Variants in TPTE observed in about 807,000 individuals in gnomAD.
TPTE encodes transmembrane phosphatase with tensin homology.
A neutral mutation model predicts 84.1 loss-of-function variants in TPTE; 59 were observed. The observed-to-expected ratio is 0.70, with a 90% CI of 0.57 to 0.87. TPTE has a LOEUF of 0.87. Ranked by LOEUF, TPTE falls within the 40% of genes least tolerant of loss-of-function variation. TPTE has a pLI of 0.00. For synonymous variants in TPTE, 130 were observed against 223.5 expected, an observed-to-expected ratio of 0.58 and a Z score of 3.73; for missense variants, 382 against 659.6, an observed-to-expected ratio of 0.58 and a Z score of 4.61.
intron 1 of TPTE, among the ~76,000 whole-genome samples, chr21:10,522,151 C>T (rs1857959): frequency 3.3e-5 from 5 of 152,294 alleles, no homozygotes; most frequent in Admixed American, 6.5e-5. Flanking sequence ...CTTGTCCCCC[C>T]CCAGGATGAC....
At chr21:10,530,243 T>A (rs2074153739) in intron 3 of TPTE, among the ~76,000 whole-genome samples, 1 of 152,428 alleles carries the variant, frequency 6.6e-6, no homozygotes, top group South Asian at 2.1e-4. Context: ...TTGCATTTGG[T>A]ATGCTGATTG....
At chr21:10,603,524 G>C (rs1328593306) in intron 22 of TPTE, 38 bp from the exon 23 acceptor site, 2 of 1,567,200 alleles carry the variant, frequency 1.3e-6, no homozygotes, top group African/African-American at 1.4e-5. Flanking sequence ...ATTAGTTCTT[G>C]GTATCAGTTT....
intron 9 of TPTE, among the ~76,000 whole-genome samples, chr21:10,560,819 A>C (rs1489065097): frequency 6.6e-6 from 1 of 152,428 alleles, no homozygotes; most frequent in South Asian, 2.1e-4. Flanking sequence ...TTTGGTGAGA[A>C]TTTTGTTTAT....
intron 9 of TPTE, among the ~76,000 whole-genome samples, chr21:10,559,872 TAAA>T (rs61583687): frequency 8.5e-5 from 10 of 117,080 alleles, no homozygotes; most frequent in South Asian, 2.5e-4. Flanking sequence ...AGACTCCATG[TAAA>T]AAAAAAAAAA....
At chr21:10,573,035 G>C (rs1367582087) in intron 14 of TPTE, among the ~76,000 whole-genome samples, 2 of 150,468 alleles carry the variant, frequency 1.3e-5, no homozygotes, top group Non-Finnish European at 2.9e-5. Context: ...CCAATTAAAA[G>C]ATATAGAGTT....
intron 10 of TPTE, among the ~76,000 whole-genome samples, chr21:10,566,900 C>T (rs1239509265): frequency 1.3e-5 from 2 of 152,236 alleles, no homozygotes; most frequent in Admixed American, 6.5e-5. Flanking sequence ...TCGCTTGAAC[C>T]CAGGAGGTGG....
intron 7 of TPTE, among the ~76,000 whole-genome samples, chr21:10,547,752 T>A (rs2074495369): frequency 6.6e-6 from 1 of 152,302 alleles, no homozygotes; most frequent in Non-Finnish European, 1.5e-5. Flanking sequence ...AAAGCCACAA[T>A]CCCAGCTGTG....
intron 10 of TPTE, among the ~76,000 whole-genome samples, chr21:10,562,668 C>T (rs2074832763): frequency 6.6e-6 from 1 of 152,304 alleles, no homozygotes; most frequent in South Asian, 2.1e-4. Context: ...ATTGATAAAC[C>T]AGAAGAAAGA....
intron 3 of TPTE, among the ~76,000 whole-genome samples, chr21:10,537,964 A>G (rs1335431978): frequency 1.3e-5 from 2 of 152,304 alleles, no homozygotes; most frequent in Admixed American, 6.5e-5. Context: ...TAGATAAAAG[A>G]TGACCACATA....
intron 3 of TPTE, among the ~76,000 whole-genome samples, chr21:10,528,875 A>G (rs1406794061): frequency 6.6e-6 from 1 of 152,308 alleles, no homozygotes; most frequent in Non-Finnish European, 1.5e-5. Flanking sequence ...ACAAAAGGAA[A>G]TGCTGGTGTG....
chr21:10,597,987 A>T (rs779244455), intron 20 of TPTE, 28 bp from the exon 21 acceptor site: 3 of 1,611,944 alleles, frequency 1.9e-6, no homozygotes, highest in East Asian at 2.2e-5. Flanking sequence ...AGCCAACCTA[A>T]CTTTTTAATT....
intron 21 of TPTE, among the ~76,000 whole-genome samples, chr21:10,601,565 A>T (rs796881417): frequency 0.066 from 9,194 of 139,810 alleles, no homozygotes; most frequent in African/African-American, 0.17. Context: ...TAAAAGACAT[A>T]AACAACAGGC....
chr21:10,574,818 G>A (rs1482604318), intron 14 of TPTE, among the ~76,000 whole-genome samples: 3 of 152,310 alleles, frequency 2.0e-5, no homozygotes, highest in South Asian at 2.1e-4. Flanking sequence ...GTGAGCCCAT[G>A]CCACCAGGGC....
rs367613609 is a variant in TPTE, at chr21:10,521,646, C to G, written c.-259C>G. On this transcript the variant is annotated 5_prime_UTR_variant, in exon 1 of 24. Transcript: ENST00000618007. ...TACCCAGCGCCGGACTCGCTGCGCCCCGGCGGCTCTAGGGACCCCCGGCGC... is the reference window on the plus strand; with the variant it reads ...TACCCAGCGCCGGACTCGCTGCGCCGCGGCGGCTCTAGGGACCCCCGGCGC... 2.7e-5 allele frequency: 4 copies of G among 147,148 alleles called. No individual in the cohort carries two copies. The East Asian group carries it at 8.2e-4, about 30-fold the overall frequency. 9.1% of individuals were successfully genotyped at this position (147,148 alleles called of 1,614,324 possible). A position where few individuals can be genotyped will look rare whatever the true frequency, so the allele number is the denominator to read the frequency against.
intron 1 of TPTE, among the ~76,000 whole-genome samples, chr21:10,524,215 T>C (rs1391568896): frequency 6.6e-6 from 1 of 152,308 alleles, no homozygotes; most frequent in African/African-American, 2.4e-5. Flanking sequence ...TTGGCTGTTA[T>C]CCTCTCATCT....
chr21:10,570,749 A>G (rs1232374620), intron 14 of TPTE, among the ~76,000 whole-genome samples, 200 bp downstream of exon 14: 8 of 152,300 alleles, frequency 5.3e-5, no homozygotes, highest in African/African-American at 9.6e-5. Flanking sequence ...TATAACAGCA[A>G]CTATTTATTT....
At chr21:10,528,395 T>C (rs2074118214) in intron 3 of TPTE, among the ~76,000 whole-genome samples, 1 of 152,304 alleles carries the variant, frequency 6.6e-6, no homozygotes, top group South Asian at 2.1e-4. Flanking sequence ...GGGAAAATAG[T>C]TTTCTGGACA....
At chr21:10,602,496 T>TA (rs1285795228) in intron 22 of TPTE, among the ~76,000 whole-genome samples, 1 of 152,310 alleles carries the variant, frequency 6.6e-6, no homozygotes, top group Non-Finnish European at 1.5e-5. Flanking sequence ...GCATCTTTTT[T>TA]AAAAAATTAA....
At position 10,603,286 on chromosome 21, in the gene TPTE, C is replaced by T. The variant is rs540098591; in HGVS notation, c.1450-276C>T. Among the ~76,000 whole-genome samples, 16 of 152,396 alleles carry T rather than the reference C, an allele frequency of 1.0e-4. No homozygotes were observed. In the South Asian group the frequency reaches 3.3e-3, roughly 32 times the overall value. ...AGAGTCTGTTTGGCACTATCTAAAC[C>T]AGATTCAAATAGCAGCATTTAAATT... On this transcript the variant is annotated intron_variant, in intron 22 of 23. Transcript: ENST00000618007.
Sources: allele counts gnomAD v4.1 joint callset (sites outside exome capture counted in the v4.1 genomes callset), GRCh38; gene constraint gnomAD v4.1.1; transcripts MANE v1.5; gene names NCBI Gene and HGNC (gene_info 2026-07-23, HGNC 2026-07-21).